Variants in RBFOX1 observed in about 807,000 individuals in gnomAD.
RBFOX1 encodes the protein RNA binding protein fox-1 homolog 1.
In RBFOX1, 8 loss-of-function variants were observed where a neutral mutation model predicts 57.7. That is an observed-to-expected ratio of 0.14 (90% CI 0.08 to 0.25). The LOEUF is 0.25. Ranked by LOEUF, RBFOX1 falls within the 10% of genes least tolerant of loss-of-function variation. The pLI, the probability that RBFOX1 is intolerant of heterozygous loss-of-function variation, is 1.00. For synonymous variants in RBFOX1, 326 were observed against 222.4 expected, an observed-to-expected ratio of 1.47 and a Z score of -4.15; for missense variants, 611 against 548.5, an observed-to-expected ratio of 1.11 and a Z score of -1.14.
intron 3 of RBFOX1, among the ~76,000 whole-genome samples, chr16:7,040,516 T>G (rs182731851): frequency 6.6e-6 from 1 of 152,188 alleles, no homozygotes; most frequent in Non-Finnish European, 1.5e-5. Flanking sequence ...TGAAGTGATA[T>G]AACAGAATCC....
chr16:7,287,933 G>C (rs1197183716), intron 4 of RBFOX1, among the ~76,000 whole-genome samples: 1 of 152,146 alleles, frequency 6.6e-6, no homozygotes, highest in African/African-American at 2.4e-5. Context: ...CATAGTTTGT[G>C]AGGATCTAGC....
intron 4 of RBFOX1, among the ~76,000 whole-genome samples, chr16:7,506,100 GCTTGAACC>G (rs1223112866): frequency 7.0e-6 from 1 of 142,936 alleles, no homozygotes; most frequent in Non-Finnish European, 1.5e-5. Flanking sequence ...CAGGAGAACT[GCTTGAACC>G]CAGGAGGCGG....
chr16:5,906,193 C>T (rs920068563), intron 4 of RBFOX1, among the ~76,000 whole-genome samples: 1 of 152,176 alleles, frequency 6.6e-6, no homozygotes, highest in Non-Finnish European at 1.5e-5. Flanking sequence ...GTGCCTCAGA[C>T]TGTGTCCTTA....
intron 1 of RBFOX1, among the ~76,000 whole-genome samples, chr16:5,303,285 T>C (rs1279790295): frequency 6.6e-6 from 1 of 152,212 alleles, no homozygotes; most frequent in Non-Finnish European, 1.5e-5. Context: ...CTATTCTCCC[T>C]GGGATTTTCT....
rs563302938 is a variant in RBFOX1, at chr16:6,227,964, A to G, written c.-126-89031A>G. ...TATACATCCAAAGAAAATGAAATCAATATATCGGAGAGATGTCTGCACTCC... is the reference window on the plus strand; with the variant it reads ...TATACATCCAAAGAAAATGAAATCAGTATATCGGAGAGATGTCTGCACTCC... On this transcript the variant is annotated intron_variant, in intron 1 of 15. Transcript: ENST00000550418. 3.0e-4 allele frequency among the ~76,000 whole-genome samples: 46 copies of G among 152,308 alleles called. No individual in the cohort carries two copies. The South Asian group carries it at 6.2e-3, about 21-fold the overall frequency.
chr16:5,880,201 T>G (rs540204633), intron 4 of RBFOX1, among the ~76,000 whole-genome samples: 1 of 152,306 alleles, frequency 6.6e-6, no homozygotes, highest in African/African-American at 2.4e-5. Context: ...CAAGAGGAAA[T>G]GGAGGCTCAG....
chr16:5,411,225 G>A (rs138780116), intron 1 of RBFOX1, among the ~76,000 whole-genome samples: 5 of 152,334 alleles, frequency 3.3e-5, no homozygotes, highest in African/African-American at 4.8e-5. Flanking sequence ...CTTGCATGGC[G>A]AAAGGGACTT....
At chr16:6,035,380 G>A (rs2095352312) in intron 1 of RBFOX1, among the ~76,000 whole-genome samples, 1 of 152,226 alleles carries the variant, frequency 6.6e-6, no homozygotes, top group African/African-American at 2.4e-5. Flanking sequence ...GCAGATGCCA[G>A]TCTAGGAAGA....
At chr16:7,381,252 A>T (rs952238029) in intron 4 of RBFOX1, among the ~76,000 whole-genome samples, 1 of 152,166 alleles carries the variant, frequency 6.6e-6, no homozygotes, top group Non-Finnish European at 1.5e-5. Flanking sequence ...GCAAGTGGAA[A>T]TTTTTATGGG....
intron 3 of RBFOX1, among the ~76,000 whole-genome samples, chr16:6,795,140 C>T (rs773025447): frequency 6.6e-6 from 1 of 152,152 alleles, no homozygotes. Flanking sequence ...AAGCCAAGTT[C>T]TGTTGATTCA....
At chr16:6,122,735 A>G (rs999053165) in intron 1 of RBFOX1, among the ~76,000 whole-genome samples, 4 of 151,968 alleles carry the variant, frequency 2.6e-5, no homozygotes, top group East Asian at 3.9e-4. Context: ...GGGAAAAAAA[A>G]GCCACGGGAC....
chr16:6,636,250 A>C (rs1191083842), intron 2 of RBFOX1, among the ~76,000 whole-genome samples: 1 of 152,090 alleles, frequency 6.6e-6, no homozygotes, highest in Non-Finnish European at 1.5e-5. Context: ...GGCTCACTGC[A>C]AGCTCTGCCT....
chr16:5,725,132 A>C (rs55674009), intron 3 of RBFOX1, among the ~76,000 whole-genome samples: 5,850 of 152,300 alleles, frequency 0.038, 140 homozygotes, highest in Middle Eastern at 0.078. Flanking sequence ...GGAATCCTCC[A>C]AGAGGCCTGA....
intron 4 of RBFOX1, among the ~76,000 whole-genome samples, chr16:7,485,287 C>G (rs2065095923): frequency 6.6e-6 from 1 of 152,210 alleles, no homozygotes; most frequent in African/African-American, 2.4e-5. Flanking sequence ...CTCATGTTTC[C>G]AGGCAGACCA....
intron 2 of RBFOX1, among the ~76,000 whole-genome samples, chr16:5,512,878 CAT>C: frequency 6.6e-6 from 1 of 152,248 alleles, no homozygotes; most frequent in South Asian, 2.1e-4. Context: ...ATTGAGTTGA[CAT>C]GTCTTTTAAG....
At chr16:6,450,943 A>G (rs754943874) in intron 2 of RBFOX1, among the ~76,000 whole-genome samples, 2 of 143,500 alleles carry the variant, frequency 1.4e-5, no homozygotes, top group Admixed American at 7.4e-5. Context: ...AAACTCAAAC[A>G]TCTAAGCAGA....
chr16:5,691,524 C>T (rs545494107), intron 3 of RBFOX1, among the ~76,000 whole-genome samples: 1 of 152,146 alleles, frequency 6.6e-6, no homozygotes, highest in African/African-American at 2.4e-5. Flanking sequence ...GTTGAGTATC[C>T]CTTACCCAAA....
chr16:7,144,400 C>G (rs1432055526), intron 4 of RBFOX1, among the ~76,000 whole-genome samples: 1 of 93,904 alleles, frequency 1.1e-5, no homozygotes, highest in Non-Finnish European at 2.1e-5. Context: ...CTTCTTTTCT[C>G]TTTCTTTTTC....
At chr16:6,857,694 G>A (rs1227357712) in intron 3 of RBFOX1, among the ~76,000 whole-genome samples, 1 of 152,208 alleles carries the variant, frequency 6.6e-6, no homozygotes, top group African/African-American at 2.4e-5. Flanking sequence ...CTAACGGAGT[G>A]TATCAGTTGT....
Sources: gnomAD v4.1 joint callset for allele counts (sites outside exome capture counted in the v4.1 genomes callset) on GRCh38, gnomAD v4.1.1 for gene constraint, MANE v1.5 for transcripts, NCBI Gene and HGNC (gene_info 2026-07-23, HGNC 2026-07-21) for gene names.